The following AFF2 variants were observed in gnomAD, a reference collection of about 807,000 sequenced individuals.
The protein encoded by AFF2 is ALF transcription elongation factor 2, also known as AF4/FMR2 family member 2.
A neutral mutation model predicts 76.9 loss-of-function variants in AFF2; 14 were observed. The observed-to-expected ratio is 0.18, with a 90% CI of 0.12 to 0.28. AFF2 has a LOEUF of 0.28. Ranked by LOEUF, AFF2 falls within the 10% of genes least tolerant of loss-of-function variation. AFF2 has a pLI of 1.00. For missense variants in AFF2, 868 were observed against 1,001.1 expected (o/e 0.87, Z 1.79); for synonymous variants, 398 against 366.7 (o/e 1.09, Z -0.98).
At chrX:148,504,346 AAAAAG>A (rs3040776) in intron 1 of AFF2, among the ~76,000 whole-genome samples, 3,057 of 112,010 alleles carry the variant, frequency 0.027, 87 homozygotes, top group African/African-American at 0.081. Context: ...CATTCTTAAA[AAAAAG>A]AAAAGAAAAG....
chrX:148,811,996 TC>T (rs2070208792), intron 4 of AFF2, among the ~76,000 whole-genome samples: 1 of 110,843 alleles, frequency 9.0e-6, no homozygotes, highest in Admixed American at 9.6e-5. Context: ...TTTTTTTTTT[TC>T]CAACAACGCT....
chrX:148,570,595 A>C (rs2053218824), intron 1 of AFF2, among the ~76,000 whole-genome samples: 1 of 111,636 alleles, frequency 9.0e-6, no homozygotes, highest in Non-Finnish European at 1.9e-5. Context: ...CTCCCTTTGC[A>C]TAGGGCCTGG....
intron 5 of AFF2, among the ~76,000 whole-genome samples, chrX:148,838,750 C>T (rs988050122): frequency 2.7e-5 from 3 of 111,629 alleles, no homozygotes; most frequent in East Asian, 2.8e-4. Flanking sequence ...ATTTGGAAAA[C>T]GCCTTGGATA....
intron 1 of AFF2, among the ~76,000 whole-genome samples, chrX:148,546,023 G>C (rs1229612412): frequency 8.9e-6 from 1 of 112,163 alleles, no homozygotes; most frequent in East Asian, 2.8e-4. Flanking sequence ...TAGAGATGTA[G>C]TGACTGACAC....
intron 2 of AFF2, 91 bp downstream of exon 2, chrX:148,652,222 A>T: frequency 1.5e-6 from 1 of 674,611 alleles, no homozygotes; most frequent in Non-Finnish European, 2.3e-6. Flanking sequence ...CACCCAACTC[A>T]TTTCCAGGGG....
At chrX:148,565,410 T>G (rs781789187) in intron 1 of AFF2, among the ~76,000 whole-genome samples, 1 of 111,603 alleles carries the variant, frequency 9.0e-6, no homozygotes, top group Admixed American at 9.5e-5. Flanking sequence ...TGATTTGGAT[T>G]TTATTCCTGC....
intron 16 of AFF2, among the ~76,000 whole-genome samples, chrX:148,977,236 G>GA (rs1329285033): frequency 5.5e-5 from 6 of 108,892 alleles, no homozygotes; most frequent in East Asian, 2.9e-4. Context: ...TTGGCTAGAA[G>GA]AAAAAAAAAT....
At position 148,585,840 on chromosome X, in the gene AFF2, C is replaced by CAA. The variant is rs1194523651; in HGVS notation, c.48-66143_48-66142dup. Among the ~76,000 whole-genome samples, 19 of 25,455 alleles carry CAA rather than the reference C, an allele frequency of 7.5e-4. 1 individual carries two copies. The highest frequency in any genetic ancestry group is 5.3e-3 in the East Asian group (1 of 187). 22.1% of individuals were successfully genotyped at this position (25,455 alleles called of 115,157 possible). A position where few individuals can be genotyped will look rare whatever the true frequency, so the allele number is the denominator to read the frequency against. On this transcript the variant is annotated intron_variant, in intron 1 of 20. Transcript: ENST00000370460. ...TGGGCGACAGAGCGAGACTGCGTCT[C>CAA]AAAAAAAAAAAAAAAAAGAAAAAGA...
chrX:148,671,567 T>A (rs2054423776), intron 3 of AFF2, among the ~76,000 whole-genome samples: 1 of 111,284 alleles, frequency 9.0e-6, no homozygotes, highest in Non-Finnish European at 1.9e-5. Flanking sequence ...CCTATCTTGT[T>A]TGTATAGTAA....
At chrX:148,931,729 G>T (rs1411231199) in intron 9 of AFF2, among the ~76,000 whole-genome samples, 8 of 111,706 alleles carry the variant, frequency 7.2e-5, no homozygotes, top group African/African-American at 2.0e-4. Context: ...TTCTGAAAAT[G>T]CATTGGGAAA....
intron 1 of AFF2, among the ~76,000 whole-genome samples, chrX:148,602,841 T>A (rs2053639117): frequency 9.3e-6 from 1 of 107,592 alleles, no homozygotes; most frequent in Non-Finnish European, 1.9e-5. Flanking sequence ...TTTTTTTAAA[T>A]GGAATCTGTA....
chrX:148,600,140 T>G, intron 1 of AFF2, among the ~76,000 whole-genome samples: 1 of 112,500 alleles, frequency 8.9e-6, no homozygotes, highest in Non-Finnish European at 1.9e-5. Context: ...GAGAGATCTT[T>G]GCACTTGTGA....
At chrX:148,830,843 C>T (rs781853710) in intron 4 of AFF2, among the ~76,000 whole-genome samples, 126 of 111,138 alleles carry the variant, frequency 1.1e-3, no homozygotes, top group Non-Finnish European at 2.0e-3. Flanking sequence ...ACTGGTCTGA[C>T]CAAAATTTAT....
intron 1 of AFF2, among the ~76,000 whole-genome samples, chrX:148,601,831 C>T (rs5980376): frequency 9.0e-6 from 1 of 111,666 alleles, no homozygotes; most frequent in East Asian, 2.8e-4. Flanking sequence ...TTGTTAAATC[C>T]TATGTCTCCA....
At chrX:148,875,868 G>A (rs1557277813) in intron 7 of AFF2, among the ~76,000 whole-genome samples, 1 of 110,955 alleles carries the variant, frequency 9.0e-6, no homozygotes, top group African/African-American at 3.3e-5. Context: ...CAGCACTCCT[G>A]GAATGATACT....
At chrX:148,595,188 T>G (rs1403890405) in intron 1 of AFF2, among the ~76,000 whole-genome samples, 1 of 112,098 alleles carries the variant, frequency 8.9e-6, no homozygotes, top group Non-Finnish European at 1.9e-5. Flanking sequence ...ACCTTAATAT[T>G]TCTACTTAGC....
At chrX:148,632,444 T>C (rs1386733492) in intron 1 of AFF2, among the ~76,000 whole-genome samples, 3 of 111,203 alleles carry the variant, frequency 2.7e-5, no homozygotes, top group African/African-American at 9.8e-5. Flanking sequence ...GAATTGGGGG[T>C]TATCAAATAC....
At chrX:148,819,428 C>T (rs1453409887) in intron 4 of AFF2, among the ~76,000 whole-genome samples, 3 of 111,470 alleles carry the variant, frequency 2.7e-5, no homozygotes, top group African/African-American at 9.8e-5. Context: ...ACCACTTACT[C>T]AGCATGTACT....
chrX:148,581,475 TAC>T (rs1340783913), intron 1 of AFF2, among the ~76,000 whole-genome samples: 1,606 of 27,567 alleles, frequency 0.058, 344 homozygotes, highest in African/African-American at 0.15. Context: ...CACACATATA[TAC>T]GTATACGTCT....
Sources: allele counts gnomAD v4.1 joint callset (sites outside exome capture counted in the v4.1 genomes callset), GRCh38; gene constraint gnomAD v4.1.1; transcripts MANE v1.5; gene names NCBI Gene and HGNC (gene_info 2026-07-23, HGNC 2026-07-21).